Variants in SH3TC2 observed in about 807,000 individuals in gnomAD.
SH3TC2 encodes SH3 domain and tetratricopeptide repeats 2.
In SH3TC2, 87 loss-of-function variants were observed where a neutral mutation model predicts 124.5. The observed-to-expected ratio is 0.70, with a 90% confidence interval of 0.59 to 0.84. The LOEUF (loss-of-function observed/expected upper bound fraction) is 0.84. Ranked by LOEUF, SH3TC2 falls within the 40% of genes least tolerant of loss-of-function variation. SH3TC2 has a pLI of 0.00. For synonymous variants in SH3TC2, 634 were observed against 628.5 expected, an observed-to-expected ratio of 1.01 and a Z score of -0.13; for missense variants, 1,536 against 1,566.4, an observed-to-expected ratio of 0.98 and a Z score of 0.33.
rs1221837566 is a variant in SH3TC2, at chr5:148,996,690, A to G, written c.*8021T>C. Among the ~76,000 whole-genome samples, 2 of 152,182 alleles carry G rather than the reference A, an allele frequency of 1.3e-5. No individual in the cohort carries two copies. The highest frequency in any genetic ancestry group is 4.8e-5 in the African/African-American group (2 of 41,450). Reference sequence around the variant, plus strand: ...TGTCTCTATGAAGTAGATGTCAGATATATCCCCAGATGAACAAACATCAGA... The same window carrying G: ...TGTCTCTATGAAGTAGATGTCAGATGTATCCCCAGATGAACAAACATCAGA... On this transcript the variant is annotated 3_prime_UTR_variant, in exon 17 of 17. Transcript: ENST00000515425.
Position 149,012,972 on chromosome 5 carries a change from G to A in SH3TC2, c.3054-238C>T, listed in dbSNP as rs2127393472. Among the ~76,000 whole-genome samples, 3 of 152,278 alleles carry A rather than the reference G, an allele frequency of 2.0e-5. No homozygotes were observed. The South Asian group carries it at 6.2e-4, about 32-fold the overall frequency. On this transcript the variant is annotated intron_variant, in intron 12 of 16. Transcript: ENST00000515425. ...AACAGACCTATAATTGTGCCCACCTGAGCGGATTGTTGTGAGGATGAAATT... is the reference window on the plus strand; with the variant it reads ...AACAGACCTATAATTGTGCCCACCTAAGCGGATTGTTGTGAGGATGAAATT...
rs146906000 is a variant in SH3TC2, at chr5:149,035,129, C to A, written c.1001+3166G>T. On this transcript the variant is annotated intron_variant, in intron 8 of 16. Coordinates refer to ENST00000515425, the MANE Select transcript of SH3TC2 (RefSeq NM_024577.4). ...TCATGCAAATAAATGGCTATGAGACCAATGGCAAAATTATTAGTGTCAAAA... is the reference window on the plus strand; with the variant it reads ...TCATGCAAATAAATGGCTATGAGACAAATGGCAAAATTATTAGTGTCAAAA... Among the ~76,000 whole-genome samples the A allele has an allele frequency of 3.6e-4, 54 of 151,998 alleles. No homozygotes were observed. The East Asian group carries it at 0.01, about 28-fold the overall frequency.
rs573012656 is a variant in SH3TC2 at position 148,999,207 on chromosome 5, C to T, written c.*5504G>A. 1.7e-4 allele frequency among the ~76,000 whole-genome samples: 26 copies of T among 152,320 alleles called. No homozygotes were observed. Among genetic ancestry groups the T allele is most frequent in the African/African-American group, 5.5e-4 (23 of 41,570 alleles). Reference sequence around the variant, plus strand: ...TGTCCCTGAATGCAGGACCAGGGTGCCTGGCCACACCTCCAGGTTTGGCTG... The same window carrying T: ...TGTCCCTGAATGCAGGACCAGGGTGTCTGGCCACACCTCCAGGTTTGGCTG... On this transcript the variant is annotated 3_prime_UTR_variant, in exon 17 of 17. Transcript: ENST00000515425.
At chr5:149,014,007 A>G (rs891999590) in intron 12 of SH3TC2, among the ~76,000 whole-genome samples, 1 of 152,166 alleles carries the variant, frequency 6.6e-6, no homozygotes, top group African/African-American at 2.4e-5. Context: ...ATCTAGTCCA[A>G]TCTTCTTATT....
rs1754570953 is a variant in SH3TC2, at chr5:149,052,221, C to T, written c.72G>A (p.Lys24=). ...TACACTCACTCGATACAGTTGGATC[C>T]TTGGAAGGAGTTTCTTTACCTGGAG... The part of the protein sequence containing the change: ...TRGPGKETPS[K]DPTVSSECIA... Residue 24 remains lysine, a synonymous_variant, in exon 2 of 17, where the codon AAG becomes AAA. Coordinates refer to ENST00000515425, the MANE Select transcript of SH3TC2 (RefSeq NM_024577.4). 6.2e-7 allele frequency: 1 copy of T among 1,612,704 alleles called. No individual in the cohort carries two copies. Among genetic ancestry groups the T allele is most frequent in the Admixed American group, 1.7e-5 (1 of 59,996 alleles).
rs1373314706 is a variant in SH3TC2 at position 149,027,643 on chromosome 5, C to T, written c.2089G>A (p.Gly697Ser). 1 of 1,614,234 alleles carries T rather than the reference C, an allele frequency of 6.2e-7. No individual in the cohort carries two copies. The highest frequency in any genetic ancestry group is 8.5e-7 in the Non-Finnish European group (1 of 1,180,042). The change falls in exon 11 of 17, where the codon GGT (glycine) becomes AGT (serine). Residue 697 changes from glycine to serine, a missense_variant. By Grantham distance (56) the Gly-to-Ser change is moderately conservative. Transcript: ENST00000515425. The part of the protein sequence containing the change: ...HLAVASVQQH[G>S]IQSAQGMSLP... ...GACATCCCTTGGGCACTCTGGATACCATGTTGCTGGACAGAGGCCACTGCA... is the reference window on the plus strand; with the variant it reads ...GACATCCCTTGGGCACTCTGGATACTATGTTGCTGGACAGAGGCCACTGCA...
At chr5:149,022,150 T>G (rs1425529513) in intron 12 of SH3TC2, among the ~76,000 whole-genome samples, 2 of 152,120 alleles carry the variant, frequency 1.3e-5, no homozygotes, top group African/African-American at 4.8e-5. Flanking sequence ...ATATATCTGA[T>G]AAGGGACTTG....
chr5:149,004,735 C>T lies in SH3TC2; in HGVS notation c.3843G>A (p.Leu1281=), dbSNP rs776330313. ...CTCAGAGGGCCAGGCCACCACCACTCAGCCACCGCGCCCTCTCTGAGGAGC... is the reference window on the plus strand; with the variant it reads ...CTCAGAGGGCCAGGCCACCACCACTTAGCCACCGCGCCCTCTCTGAGGAGC... ...SGCSSERARW[L]SGGGLAL is the part of the protein sequence containing the mutation. Residue 1281 remains leucine (L), a synonymous_variant, in exon 17 of 17, where the codon CTG becomes CTA. Transcript: ENST00000515425. 2 of 1,613,654 alleles carry T rather than the reference C, an allele frequency of 1.2e-6. No individual in the cohort carries two copies. Among genetic ancestry groups the T allele is most frequent in the Non-Finnish European group, 1.7e-6 (2 of 1,179,998 alleles).
rs1475369265 is a variant in SH3TC2, at chr5:148,995,832, T to TA, written c.*8878dup. On this transcript the variant is annotated 3_prime_UTR_variant, in exon 17 of 17. Coordinates refer to ENST00000515425, the MANE Select transcript of SH3TC2 (RefSeq NM_024577.4). ...AGGTGGTGCACATGGATTATTAAAA[T>TA]AAAAAAACTCACATAAAGTACACTT... 5.9e-5 allele frequency among the ~76,000 whole-genome samples: 9 copies of TA among 151,944 alleles called. No individual in the cohort carries two copies. The highest frequency in any genetic ancestry group is 1.9e-4 in the East Asian group (1 of 5,192).
At chr5:149,007,425 G>A in intron 15 of SH3TC2, 1 of 536,712 alleles carries the variant, frequency 1.9e-6, no homozygotes, top group Non-Finnish European at 3.3e-6. Flanking sequence ...TGTAATGCAG[G>A]ATTCTGAGAA....
rs1753624781 is a variant in SH3TC2, at chr5:149,003,202, C to T, written c.*1509G>A. On this transcript the variant is annotated 3_prime_UTR_variant, in exon 17 of 17. Transcript: ENST00000515425. Reference sequence around the variant, plus strand: ...CTGGTATTCAAGCTGTTGGTAAACACTCCCCTCTTGTGGGAGCTAGACCTA... The same window carrying T: ...CTGGTATTCAAGCTGTTGGTAAACATTCCCCTCTTGTGGGAGCTAGACCTA... 2 of 152,270 alleles carry T rather than the reference C, an allele frequency of 1.3e-5. No homozygotes were observed. The allele number at this position is 152,270 out of a possible 1,614,324, so 9.4% of individuals were successfully genotyped here.
chr5:149,052,362 T>C (rs1435995280), intron 1 of SH3TC2, 122 bp from the exon 2 acceptor site: 1 of 735,506 alleles, frequency 1.4e-6, no homozygotes, highest in Non-Finnish European at 2.5e-6. Flanking sequence ...ATGGAAGAAT[T>C]CTAATTGTTA....
At chr5:149,051,646 G>A (rs1754558789) in intron 2 of SH3TC2, among the ~76,000 whole-genome samples, 1 of 152,078 alleles carries the variant, frequency 6.6e-6, no homozygotes, top group African/African-American at 2.4e-5. Context: ...TAGGGATCAG[G>A]TCTCACTCTG....
rs1280441283 is a variant in SH3TC2 at position 148,988,803 on chromosome 5, AC to A, written c.*15907del. 6.6e-6 allele frequency among the ~76,000 whole-genome samples: 1 copy of A among 152,196 alleles called. No individual in the cohort carries two copies. Among genetic ancestry groups the A allele is most frequent in the African/African-American group, 2.4e-5 (1 of 41,444 alleles). On this transcript the variant is annotated 3_prime_UTR_variant, in exon 17 of 17. Transcript: ENST00000515425. Reference sequence around the variant, plus strand: ...GATGATAAGCTGTTTTAAATCAGAAACTTTTGGGGTGGTTTGTTATGTCACT... The same window carrying A: ...GATGATAAGCTGTTTTAAATCAGAAATTTTGGGGTGGTTTGTTATGTCACT...
At chr5:149,032,339 G>A (rs1020205802) in intron 8 of SH3TC2, among the ~76,000 whole-genome samples, 4 of 152,210 alleles carry the variant, frequency 2.6e-5, no homozygotes, top group Non-Finnish European at 5.9e-5. Flanking sequence ...TGATACTCAT[G>A]CTGTTGTGTA....
chr5:149,058,206 G>C (rs1754685217), intron 1 of SH3TC2, among the ~76,000 whole-genome samples: 1 of 152,068 alleles, frequency 6.6e-6, no homozygotes, highest in South Asian at 2.1e-4. Context: ...TATTATTATT[G>C]ATCAGAAAAA....
In SH3TC2 at chr5:149,042,679, C is replaced by T. The variant is rs1473441965; in HGVS notation, c.529+15G>A. ...TCTGAATAAGATCCCATCTCTACCC[C>T]TATGCCACACTCACCTTCCTGTATC... On this transcript the variant is annotated intron_variant, in intron 5 of 16. Transcript: ENST00000515425. The T allele has an allele frequency of 4.3e-6, 7 of 1,613,896 alleles. No individual in the cohort carries two copies. Among genetic ancestry groups the T allele is most frequent in the Non-Finnish European group, 8.5e-7 (1 of 1,179,918 alleles).
chr5:149,062,959 T>A lies in SH3TC2; in HGVS notation c.52+12A>T, dbSNP rs369138488. 2 of 1,582,888 alleles carry A rather than the reference T, an allele frequency of 1.3e-6. No individual in the cohort carries two copies. Among genetic ancestry groups the A allele is most frequent in the African/African-American group, 2.7e-5 (2 of 74,306 alleles). On this transcript the variant is annotated intron_variant, in intron 1 of 16. Transcript: ENST00000515425. ...GCCAAGCCACAGGCCAAGGGCCCCCTGGGAAACTCACCTGGGCCCCGGGTC... is the reference window on the plus strand; with the variant it reads ...GCCAAGCCACAGGCCAAGGGCCCCCAGGGAAACTCACCTGGGCCCCGGGTC...
chr5:149,002,366 G>T lies in SH3TC2; in HGVS notation c.*2345C>A, dbSNP rs1489038885. Reference sequence around the variant, plus strand: ...ACCGCAACGTCCCTCCCAGCTTGGGGCTTTTACAGCTTGTGGTGGGGGCAA... The same window carrying T: ...ACCGCAACGTCCCTCCCAGCTTGGGTCTTTTACAGCTTGTGGTGGGGGCAA... On this transcript the variant is annotated 3_prime_UTR_variant, in exon 17 of 17. Transcript: ENST00000515425. 1 of 152,646 alleles carries T rather than the reference G, an allele frequency of 6.6e-6. No individual in the cohort carries two copies. The highest frequency in any genetic ancestry group is 2.4e-5 in the African/African-American group (1 of 41,444). The allele number at this position is 152,646 out of a possible 1,614,324, so 9.5% of individuals were successfully genotyped here.
Sources: allele counts gnomAD v4.1 joint callset (sites outside exome capture counted in the v4.1 genomes callset), GRCh38; gene constraint gnomAD v4.1.1; transcripts MANE v1.5; gene names NCBI Gene and HGNC (gene_info 2026-07-23, HGNC 2026-07-21).